SMS: variants seen among roughly 807,000 people sequenced by gnomAD.
The protein encoded by SMS is spermine synthase, also known as spermidine aminopropyltransferase.
A neutral mutation model predicts 33.0 loss-of-function variants in SMS; 3 were observed. The ratio of observed to expected loss-of-function variants is 0.09; its 90% CI spans 0.04 to 0.23. The LOEUF (loss-of-function observed/expected upper bound fraction) is 0.23. Ranked by LOEUF, SMS falls within the 10% of genes least tolerant of loss-of-function variation. SMS has a pLI of 1.00. For synonymous variants in SMS, 103 were observed against 112.2 expected (o/e 0.92, Z 0.52); for missense variants, 117 against 288.6 (o/e 0.41, Z 4.31).
intron 1 of SMS, among the ~76,000 whole-genome samples, chrX:21,941,756 G>A (rs949679135): frequency 9.3e-6 from 1 of 107,147 alleles, no homozygotes; most frequent in Non-Finnish European, 1.9e-5. Flanking sequence ...GTGGTGGCAC[G>A]CGCCTGTAAT....
chrX:21,970,581 T>G (rs1924065386), intron 2 of SMS, among the ~76,000 whole-genome samples: 1 of 109,219 alleles, frequency 9.2e-6, no homozygotes, highest in Non-Finnish European at 1.9e-5. Context: ...TTTTAAATTT[T>G]TTATAGAGAC....
At chrX:21,962,066 A>G (rs374132421) in intron 1 of SMS, among the ~76,000 whole-genome samples, 19 of 112,103 alleles carry the variant, frequency 1.7e-4, no homozygotes, top group Admixed American at 1.5e-3. Flanking sequence ...ACCTGTGTAT[A>G]GAGCATCTAG....
At chrX:21,963,234 G>T (rs1028903265) in intron 1 of SMS, among the ~76,000 whole-genome samples, 1 of 111,265 alleles carries the variant, frequency 9.0e-6, no homozygotes, top group African/African-American at 3.3e-5. Context: ...TTCCCCAAGG[G>T]CTGGGTGACA....
intron 7 of SMS, among the ~76,000 whole-genome samples, chrX:21,979,839 A>T (rs906378142): frequency 9.3e-6 from 1 of 106,977 alleles, no homozygotes; most frequent in African/African-American, 3.4e-5. Context: ...AAGTGTTCCT[A>T]TTTCTCCTCA....
chrX:21,957,890 G>C (rs1472676472), intron 1 of SMS, among the ~76,000 whole-genome samples: 1 of 110,129 alleles, frequency 9.1e-6, no homozygotes, highest in African/African-American at 3.3e-5. Flanking sequence ...TTTCATGTTT[G>C]TTGGCTGTTT....
At chrX:21,970,420 C>T (rs1475711509) in intron 2 of SMS, among the ~76,000 whole-genome samples, 1 of 111,702 alleles carries the variant, frequency 9.0e-6, no homozygotes, top group Non-Finnish European at 1.9e-5. Flanking sequence ...TCTATTGTTC[C>T]TTCCCCCTCT....
intron 8 of SMS, 68 bp downstream of exon 8, chrX:21,984,486 A>G (rs1295445991): frequency 5.7e-6 from 4 of 701,236 alleles, no homozygotes; most frequent in Middle Eastern, 2.9e-4. Flanking sequence ...GGGTGAAAGG[A>G]TCCTAGAGAT....
chrX:21,957,170 T>G (rs1409619320), intron 1 of SMS, among the ~76,000 whole-genome samples: 3 of 99,915 alleles, frequency 3.0e-5, no homozygotes, highest in Non-Finnish European at 4.0e-5. Flanking sequence ...TTTTTTTTTT[T>G]GCATAAGAAT....
Position 21,972,499 on chromosome X carries a change from A to G in SMS, c.265-8A>G. ...CTACAAGCCCATTGATTTTTCTTTTAATTGTAGATTTTGAACAAAGTAGAG... is the reference window on the plus strand; with the variant it reads ...CTACAAGCCCATTGATTTTTCTTTTGATTGTAGATTTTGAACAAAGTAGAG... On this transcript the variant is annotated splice_polypyrimidine_tract_variant and splice_region_variant and intron_variant, in intron 3 of 10. Coordinates refer to ENST00000404933, the MANE Select transcript of SMS (RefSeq NM_004595.5). 1.7e-6 allele frequency: 2 copies of G among 1,151,809 alleles called. No individual in the cohort carries two copies. Among genetic ancestry groups the G allele is most frequent in the Non-Finnish European group, 2.4e-6 (2 of 841,297 alleles). 94.9% of individuals were successfully genotyped at this position (1,151,809 alleles called of 1,213,427 possible).
chrX:21,963,337 C>T (rs1378048788), intron 1 of SMS, among the ~76,000 whole-genome samples: 1 of 111,557 alleles, frequency 9.0e-6, no homozygotes, highest in Non-Finnish European at 1.9e-5. Flanking sequence ...AGACACCTTC[C>T]TGGCAGGGCT....
intron 7 of SMS, among the ~76,000 whole-genome samples, chrX:21,981,804 T>TG (rs1924964422): frequency 9.0e-6 from 1 of 111,578 alleles, no homozygotes; most frequent in Admixed American, 9.5e-5. Flanking sequence ...TACTTAACCT[T>TG]GGAGTTCAGA....
intron 1 of SMS, among the ~76,000 whole-genome samples, chrX:21,950,856 T>C (rs1299744063): frequency 8.9e-6 from 1 of 112,132 alleles, no homozygotes; most frequent in Admixed American, 9.4e-5. Context: ...TAGATGGGCA[T>C]TTGGGTTGGT....
chrX:21,954,925 C>T (rs1362384651), intron 1 of SMS, among the ~76,000 whole-genome samples: 1 of 110,756 alleles, frequency 9.0e-6, no homozygotes, highest in Non-Finnish European at 1.9e-5. Flanking sequence ...CAACCCCTGC[C>T]TTCTGGGTTC....
chrX:21,970,033 G>A (rs778977326), intron 2 of SMS, among the ~76,000 whole-genome samples: 12 of 113,116 alleles, frequency 1.1e-4, no homozygotes, highest in African/African-American at 3.8e-4. Flanking sequence ...GGCTGGTCTC[G>A]AACTCCTGGC....
At position 21,975,987 on chromosome X, in the gene SMS, G is replaced by A. The variant is rs183489606; in HGVS notation, c.330-1074G>A. 3.6e-5 allele frequency among the ~76,000 whole-genome samples: 4 copies of A among 110,899 alleles called. No individual in the cohort carries two copies. In the East Asian group the frequency reaches 8.6e-4, roughly 24 times the overall value. On this transcript the variant is annotated intron_variant, in intron 4 of 10. Coordinates refer to ENST00000404933, the MANE Select transcript of SMS (RefSeq NM_004595.5). ...CTGTGTTTGAGAACACATGACTCAC[G>A]CAGTTGTGTTATGTATGCAGTGAGC... is the stretch of plus-strand genomic sequence containing the variant.
chrX:21,969,527 G>A (rs1207787708), intron 2 of SMS, among the ~76,000 whole-genome samples: 2 of 111,475 alleles, frequency 1.8e-5, no homozygotes, highest in Non-Finnish European at 3.8e-5. Flanking sequence ...CATCTTTTGG[G>A]GACTACAGCA....
intron 2 of SMS, among the ~76,000 whole-genome samples, chrX:21,970,766 A>AT: frequency 1.0e-5 from 1 of 98,014 alleles, no homozygotes. Context: ...TTTTTTTTTA[A>AT]TCCAAGCACA....
intron 1 of SMS, among the ~76,000 whole-genome samples, chrX:21,966,897 C>G (rs1923760933): frequency 9.1e-6 from 1 of 110,434 alleles, no homozygotes; most frequent in Non-Finnish European, 1.9e-5. Flanking sequence ...CTGAATATGT[C>G]TACATCCTTG....
intron 6 of SMS, 28 bp from the exon 7 acceptor site, chrX:21,978,849 C>G: frequency 9.4e-7 from 1 of 1,065,163 alleles, no homozygotes; most frequent in Non-Finnish European, 1.3e-6. Context: ...CTTTGATATA[C>G]CCAAATTCTC....
Sources: allele counts gnomAD v4.1 joint callset (sites outside exome capture counted in the v4.1 genomes callset), GRCh38; gene constraint gnomAD v4.1.1; transcripts MANE v1.5; gene names NCBI Gene and HGNC (gene_info 2026-07-23, HGNC 2026-07-21).